The following GRIA1 variants were observed in gnomAD, a reference collection of about 807,000 sequenced individuals.
GRIA1 encodes glutamate receptor 1.
GRIA1 carries 31 observed loss-of-function variants against 99.2 expected under a neutral mutation model. The ratio of observed to expected loss-of-function variants is 0.31; its 90% CI spans 0.23 to 0.42. The LOEUF (loss-of-function observed/expected upper bound fraction) is 0.42, where lower values mean the gene tolerates loss of function less well. Among genes scored for constraint, GRIA1 ranks in the 10% least tolerant of loss-of-function variants. The probability of loss-of-function intolerance (pLI) is 1.00; values close to 1 mark genes in which losing one functional copy is unlikely to be tolerated. For synonymous variants in GRIA1, 438 were observed against 432.4 expected (o/e 1.01, Z -0.16); for missense variants, 782 against 1,157.5 (o/e 0.68, Z 4.71).
At chr5:153,800,823 A>G (rs1341311268) in intron 14 of GRIA1, among the ~76,000 whole-genome samples, 1 of 152,218 alleles carries the variant, frequency 6.6e-6, no homozygotes, top group Non-Finnish European at 1.5e-5. Flanking sequence ...CCCCGATTCT[A>G]ATAGGCAGAC....
At chr5:153,640,117 C>T (rs1050340146) in intron 2 of GRIA1, among the ~76,000 whole-genome samples, 2 of 152,184 alleles carry the variant, frequency 1.3e-5, no homozygotes, top group Non-Finnish European at 2.9e-5. Flanking sequence ...TATGTCAGCC[C>T]ACAGGGTGAG....
chr5:153,724,290 T>TG (rs895045091), intron 11 of GRIA1, among the ~76,000 whole-genome samples: 3 of 104,330 alleles, frequency 2.9e-5, no homozygotes, highest in African/African-American at 3.9e-5. Context: ...ACCACAAAGA[T>TG]GGGGAAAAAA....
intron 5 of GRIA1, among the ~76,000 whole-genome samples, chr5:153,670,178 C>T (rs1041428504): frequency 2.0e-5 from 3 of 152,210 alleles, no homozygotes; most frequent in Admixed American, 6.5e-5. Flanking sequence ...TCTTTCTCAC[C>T]GATTTATTAG....
chr5:153,614,195 G>A (rs1377884301), intron 2 of GRIA1, among the ~76,000 whole-genome samples: 5 of 152,026 alleles, frequency 3.3e-5, no homozygotes, highest in Admixed American at 1.3e-4. Context: ...CACTTATTAC[G>A]ATTTGTAATT....
intron 5 of GRIA1, among the ~76,000 whole-genome samples, chr5:153,667,835 A>G (rs868121632): frequency 3.7e-4 from 57 of 152,244 alleles, no homozygotes; most frequent in Admixed American, 3.9e-4. Flanking sequence ...TGTCCAATGT[A>G]GTTGTAGTGT....
rs530662286 is a variant in GRIA1, at chr5:153,645,959, G to C, written c.221-969G>C. Among the ~76,000 whole-genome samples the C allele has an allele frequency of 6.7e-4, 102 of 152,254 alleles. No individual in the cohort carries two copies. The South Asian group carries it at 9.3e-3, about 14-fold the overall frequency. ...TCCACCTTGGAAGGGCAATTTTTAGGCATTGAAGATGGCCTTGGGGTTGGT... is the reference window on the plus strand; with the variant it reads ...TCCACCTTGGAAGGGCAATTTTTAGCCATTGAAGATGGCCTTGGGGTTGGT... On this transcript the variant is annotated intron_variant, in intron 2 of 15. Coordinates refer to ENST00000285900, the MANE Select transcript of GRIA1 (RefSeq NM_000827.4).
At position 153,811,163 on chromosome 5, in the gene GRIA1, A is replaced by G; in HGVS notation, c.2659A>G (p.Met887Val). ...GGTCAGCCATGACTTCCCCAAGTCC[A>G]TGCAATCGATTCCTTGCATGAGCCA... ...RVVSHDFPKS[M>V]QSIPCMSHSS... The change falls in exon 16 of 16, where the codon ATG (methionine) becomes GTG (valine). Residue 887 changes from methionine (M) to valine (V), a missense_variant. Coordinates refer to ENST00000285900, the MANE Select transcript of GRIA1 (RefSeq NM_000827.4). 3 of 1,614,170 alleles carry G rather than the reference A, an allele frequency of 1.9e-6. No homozygotes were observed. The highest frequency in any genetic ancestry group is 2.5e-6 in the Non-Finnish European group (3 of 1,180,016).
intron 2 of GRIA1, among the ~76,000 whole-genome samples, chr5:153,626,651 A>G (rs1421844668): frequency 6.6e-6 from 1 of 152,180 alleles, no homozygotes; most frequent in African/African-American, 2.4e-5. Flanking sequence ...ACGCTAAGGG[A>G]CAGTTAGAGT....
chr5:153,807,046 C>A (rs1766479756), intron 15 of GRIA1, among the ~76,000 whole-genome samples: 1 of 152,230 alleles, frequency 6.6e-6, no homozygotes, highest in South Asian at 2.1e-4. Flanking sequence ...CCAGTCCCAG[C>A]CACAGTGCTG....
intron 2 of GRIA1, among the ~76,000 whole-genome samples, chr5:153,630,673 A>C (rs1018311808): frequency 6.6e-6 from 1 of 152,202 alleles, no homozygotes; most frequent in African/African-American, 2.4e-5. Context: ...CCCTCAAAGA[A>C]GCAAATCCAG....
At chr5:153,592,786 A>G (rs532902679) in intron 2 of GRIA1, among the ~76,000 whole-genome samples, 55 of 152,290 alleles carry the variant, frequency 3.6e-4, no homozygotes, top group Middle Eastern at 3.4e-3. Context: ...TCAGTTCTGG[A>G]GGCTGGGAAG....
intron 5 of GRIA1, among the ~76,000 whole-genome samples, chr5:153,670,743 C>T (rs9324754): frequency 6.6e-5 from 10 of 151,686 alleles, no homozygotes; most frequent in African/African-American, 1.7e-4. Flanking sequence ...GAGAGTTCCC[C>T]GGGGAACAGA....
At chr5:153,551,004 T>C (rs1365311507) in intron 2 of GRIA1, among the ~76,000 whole-genome samples, 1 of 145,558 alleles carries the variant, frequency 6.9e-6, no homozygotes, top group African/African-American at 2.5e-5. Flanking sequence ...GATGCTGATA[T>C]AGCTGGTCTG....
chr5:153,592,178 G>T (rs374720668), intron 2 of GRIA1, among the ~76,000 whole-genome samples: 7 of 152,236 alleles, frequency 4.6e-5, no homozygotes, highest in Non-Finnish European at 7.3e-5. Context: ...ATAGCAAGAG[G>T]CTGTATTCCT....
chr5:153,792,092 G>A (rs1025937657), intron 13 of GRIA1, among the ~76,000 whole-genome samples: 1 of 152,130 alleles, frequency 6.6e-6, no homozygotes, highest in African/African-American at 2.4e-5. Context: ...GAACAGCACT[G>A]TAGCATAAGA....
intron 11 of GRIA1, among the ~76,000 whole-genome samples, chr5:153,749,696 C>T (rs1561828332): frequency 6.6e-6 from 1 of 152,076 alleles, no homozygotes. Context: ...CACTGGGGAT[C>T]AAATTTGAAC....
intron 2 of GRIA1, among the ~76,000 whole-genome samples, chr5:153,560,699 C>T (rs1761043302): frequency 1.3e-5 from 2 of 152,200 alleles, no homozygotes; most frequent in Non-Finnish European, 2.9e-5. Context: ...ATAAACTACT[C>T]AGTCTTGGGT....
intron 2 of GRIA1, among the ~76,000 whole-genome samples, chr5:153,640,013 A>G (rs545705630): frequency 2.0e-5 from 3 of 152,340 alleles, no homozygotes; most frequent in African/African-American, 7.2e-5. Flanking sequence ...CTTTGCATTT[A>G]CTTCTCCACA....
chr5:153,806,407 A>G (rs189177021), intron 15 of GRIA1, among the ~76,000 whole-genome samples: 10 of 152,256 alleles, frequency 6.6e-5, no homozygotes, highest in South Asian at 2.1e-4. Context: ...CTGGGACTAC[A>G]GTCACGTGCC....
Sources: gnomAD v4.1 joint callset for allele counts (sites outside exome capture counted in the v4.1 genomes callset) on GRCh38, gnomAD v4.1.1 for gene constraint, MANE v1.5 for transcripts, NCBI Gene and HGNC (gene_info 2026-07-23, HGNC 2026-07-21) for gene names.